The following CATSPER3 variants were observed in gnomAD, a reference collection of about 807,000 sequenced individuals.
The protein encoded by CATSPER3 is cation channel sperm-associated protein 3.
CATSPER3 carries 23 observed loss-of-function variants against 36.6 expected under a neutral mutation model. The ratio of observed to expected loss-of-function variants is 0.63; its 90% CI spans 0.45 to 0.89. The LOEUF (loss-of-function observed/expected upper bound fraction) is 0.89, where lower values mean the gene tolerates loss of function less well. Among genes scored for constraint, CATSPER3 ranks in the 40% least tolerant of loss-of-function variants. CATSPER3 has a pLI of 0.00. For missense variants in CATSPER3, 474 were observed against 503.9 expected (o/e 0.94, Z 0.57); for synonymous variants, 172 against 184.1 (o/e 0.93, Z 0.53).
intron 7 of CATSPER3, 132 bp from the exon 8 acceptor site, chr5:135,011,389 A>C (rs1752177933): frequency 1.4e-6 from 1 of 728,218 alleles, no homozygotes; most frequent in South Asian, 1.5e-5. Context: ...ACCCAGCCTC[A>C]TCTGGCTCTG....
intron 2 of CATSPER3, among the ~76,000 whole-genome samples, chr5:134,971,193 C>T (rs1751601724): frequency 6.6e-6 from 1 of 152,224 alleles, no homozygotes; most frequent in Non-Finnish European, 1.5e-5. Context: ...TCGTGATCCG[C>T]CCTCCTCGGC....
chr5:134,978,690 A>G (rs1751711897), intron 2 of CATSPER3, among the ~76,000 whole-genome samples: 1 of 151,606 alleles, frequency 6.6e-6, no homozygotes, highest in South Asian at 2.1e-4. Flanking sequence ...TCACATATAT[A>G]TTTTAAAAGT....
chr5:135,000,922 C>T (rs1752012366), intron 3 of CATSPER3, among the ~76,000 whole-genome samples: 2 of 152,110 alleles, frequency 1.3e-5, no homozygotes, highest in Admixed American at 1.3e-4. Flanking sequence ...CTCTCTATCT[C>T]CTTCAGTTCT....
intron 2 of CATSPER3, among the ~76,000 whole-genome samples, chr5:134,980,378 CTCCCTCCTTCCCTCCT>C (rs1212254213): frequency 6.7e-6 from 1 of 148,498 alleles, no homozygotes; most frequent in African/African-American, 2.5e-5. Flanking sequence ...CCTTCCTTCC[CTCCCTCCTTCCCTCCT>C]TCCCTCCTTC....
In CATSPER3 at chr5:135,009,483, A is replaced by C. The variant is rs769069112; in HGVS notation, c.929A>C (p.His310Pro). ...RQQEEISRLM[H>P]IQKNADCTSF... ...CAGGAGGAGATCAGCAGGCTGATGC[A>C]CATACAGGTGAGTGGCCCCTGCAGG... Residue 310 changes from histidine (H) to proline (P), a missense_variant, in exon 6 of 8, where the codon CAC (histidine) becomes CCC (proline). By Grantham distance (77) the His-to-Pro change is moderately conservative. Coordinates refer to ENST00000282611, the MANE Select transcript of CATSPER3 (RefSeq NM_178019.3). The C allele has an allele frequency of 2.0e-6, 3 of 1,471,676 alleles. No individual in the cohort carries two copies. The highest frequency in any genetic ancestry group is 2.7e-6 in the Non-Finnish European group (3 of 1,109,218). The allele number at this position is 1,471,676 out of a possible 1,614,324, so 91.2% of individuals were successfully genotyped here. A position where few individuals can be genotyped will look rare whatever the true frequency, so the allele number is the denominator to read the frequency against.
chr5:134,969,209 A>G (rs576214178), intron 1 of CATSPER3: 24 of 152,314 alleles, frequency 1.6e-4, no homozygotes, highest in African/African-American at 5.5e-4. Flanking sequence ...ATTTCATTTC[A>G]GGTTATATTA....
At chr5:134,992,425 A>G (rs1281117441) in intron 2 of CATSPER3, among the ~76,000 whole-genome samples, 1 of 151,990 alleles carries the variant, frequency 6.6e-6, no homozygotes, top group African/African-American at 2.4e-5. Flanking sequence ...AGTTATTATT[A>G]AAAAAAACAA....
intron 3 of CATSPER3, among the ~76,000 whole-genome samples, chr5:134,999,071 A>G (rs1025643622): frequency 6.6e-6 from 1 of 152,156 alleles, no homozygotes; most frequent in African/African-American, 2.4e-5. Flanking sequence ...TCTTTAATCC[A>G]TCTTGAATTA....
At chr5:135,007,274 C>G (rs1752100486) in intron 3 of CATSPER3, among the ~76,000 whole-genome samples, 4 of 152,220 alleles carry the variant, frequency 2.6e-5, no homozygotes, top group Admixed American at 2.6e-4. Flanking sequence ...TAACACCTAC[C>G]TACCTTGAGG....
chr5:134,987,969 T>G lies in CATSPER3; in HGVS notation c.253-8304T>G, dbSNP rs186555754. 9.3e-4 allele frequency among the ~76,000 whole-genome samples: 142 copies of G among 152,188 alleles called. No homozygotes were observed. The East Asian group carries it at 0.024, about 26-fold the overall frequency. On this transcript the variant is annotated intron_variant, in intron 2 of 7. Transcript: ENST00000282611. ...AGAGTCATCAGGCGAGAAAAAGAAA[T>G]AAAAGGCATCTAAATTGAAAAGAAA... is the stretch of plus-strand genomic sequence containing the variant.
intron 2 of CATSPER3, among the ~76,000 whole-genome samples, chr5:134,988,885 C>A (rs557490524): frequency 6.6e-6 from 1 of 152,116 alleles, no homozygotes; most frequent in South Asian, 2.1e-4. Flanking sequence ...TTTACCCAGA[C>A]CCATCCGAAG....
At chr5:135,001,334 A>G (rs1752016757) in intron 3 of CATSPER3, among the ~76,000 whole-genome samples, 1 of 152,090 alleles carries the variant, frequency 6.6e-6, no homozygotes, top group Non-Finnish European at 1.5e-5. Flanking sequence ...GTTCTTTTAC[A>G]TTTGCTGAGG....
chr5:134,981,972 A>G (rs1157226221), intron 2 of CATSPER3, among the ~76,000 whole-genome samples: 2 of 152,218 alleles, frequency 1.3e-5, no homozygotes, highest in African/African-American at 2.4e-5. Flanking sequence ...TCTACTGAAA[A>G]TACAAAAATT....
intron 3 of CATSPER3, among the ~76,000 whole-genome samples, chr5:135,003,975 G>C (rs55981911): frequency 7.2e-5 from 11 of 152,190 alleles, no homozygotes; most frequent in Non-Finnish European, 8.8e-5. Flanking sequence ...CCCGCTGTCC[G>C]ACAAGCCCCA....
chr5:134,999,442 G>A (rs1034368879), intron 3 of CATSPER3, among the ~76,000 whole-genome samples: 2 of 152,088 alleles, frequency 1.3e-5, no homozygotes, highest in African/African-American at 2.4e-5. Flanking sequence ...CCAATTCTCT[G>A]AAGAAAGTCA....
At position 134,996,271 on chromosome 5, in the gene CATSPER3, A is replaced by C; in HGVS notation, c.253-2A>C. The C allele has an allele frequency of 6.2e-7, 1 of 1,614,196 alleles. No individual in the cohort carries two copies. The highest frequency in any genetic ancestry group is 1.1e-5 in the South Asian group (1 of 91,080). ...CTTCTCCAACCCTTGCTACCCCTGTAGTTCTCGGAGATCTTCTTTGTGTCC... is the reference window on the plus strand; with the variant it reads ...CTTCTCCAACCCTTGCTACCCCTGTCGTTCTCGGAGATCTTCTTTGTGTCC... On this transcript the variant is annotated splice_acceptor_variant, in intron 2 of 7. Coordinates refer to ENST00000282611, the MANE Select transcript of CATSPER3 (RefSeq NM_178019.3). LOFTEE classifies it high-confidence loss of function.
chr5:135,001,195 C>A (rs1752015248), intron 3 of CATSPER3, among the ~76,000 whole-genome samples: 1 of 151,950 alleles, frequency 6.6e-6, no homozygotes, highest in African/African-American at 2.4e-5. Flanking sequence ...CATTCAGGAG[C>A]AGGTTATGTA....
chr5:134,981,325 T>A (rs1751748681), intron 2 of CATSPER3, among the ~76,000 whole-genome samples: 1 of 151,984 alleles, frequency 6.6e-6, no homozygotes. Flanking sequence ...ACCCTGTCTC[T>A]AATAAAAATA....
At chr5:134,994,675 T>C (rs770611744) in intron 2 of CATSPER3, among the ~76,000 whole-genome samples, 6 of 152,212 alleles carry the variant, frequency 3.9e-5, no homozygotes, top group Non-Finnish European at 8.8e-5. Flanking sequence ...AGGCTGAGAT[T>C]AAAATTCAAA....
Sources: gnomAD v4.1 joint callset for allele counts (sites outside exome capture counted in the v4.1 genomes callset) on GRCh38, gnomAD v4.1.1 for gene constraint, MANE v1.5 for transcripts, NCBI Gene and HGNC (gene_info 2026-07-23, HGNC 2026-07-21) for gene names.